Variants in PRIM1 observed in about 807,000 individuals in gnomAD.
PRIM1 encodes the protein DNA primase small subunit.
A neutral mutation model predicts 60.2 loss-of-function variants in PRIM1; 38 were observed. The ratio of observed to expected loss-of-function variants is 0.63; its 90% confidence interval spans 0.49 to 0.83. The LOEUF (loss-of-function observed/expected upper bound fraction) is 0.83, where lower values mean the gene tolerates loss of function less well. Among genes scored for constraint, PRIM1 ranks in the 40% least tolerant of loss-of-function variants. The pLI is 0.00. For missense variants in PRIM1, 388 were observed against 506.2 expected (o/e 0.77, Z 2.24); for synonymous variants, 158 against 160.2 (o/e 0.99, Z 0.10).
At chr12:56,739,635 G>C (rs1462948453) in intron 9 of PRIM1, among the ~76,000 whole-genome samples, 1 of 152,152 alleles carries the variant, frequency 6.6e-6, no homozygotes, top group Non-Finnish European at 1.5e-5. Flanking sequence ...CTGGGCTCAA[G>C]TGATCCTCCC....
At chr12:56,745,617 C>A (rs908411884) in intron 5 of PRIM1, among the ~76,000 whole-genome samples, 1 of 151,946 alleles carries the variant, frequency 6.6e-6, no homozygotes, top group Non-Finnish European at 1.5e-5. Context: ...TTGGTAAGAT[C>A]ATTTACTCTG....
chr12:56,736,342 A>T (rs948759510), intron 11 of PRIM1, among the ~76,000 whole-genome samples: 4 of 129,948 alleles, frequency 3.1e-5, no homozygotes, highest in Admixed American at 8.2e-5. Context: ...ATACAATTTT[A>T]TTCATCCATT....
rs1592338268 is a variant in PRIM1 at position 56,752,200 on chromosome 12, A to C, written c.99T>G (p.Gly33=). Residue 33 remains glycine (G), a synonymous_variant, in exon 1 of 13, where the codon GGT becomes GGG. Transcript: ENST00000338193. ...CCCATTCCTCGCCTCCATCACCTCC[A>C]CCGTAGTTGAGCCAGCGATAGTACT... ...YSQYYRWLNY[G]GVIKNYFQHR... 1 of 1,590,818 alleles carries C rather than the reference A, an allele frequency of 6.3e-7. No homozygotes were observed. Among genetic ancestry groups the C allele is most frequent in the Admixed American group, 1.7e-5 (1 of 57,440 alleles).
Position 56,750,974 on chromosome 12 carries a change from G to C in PRIM1, c.261+64C>G, listed in dbSNP as rs549408228. 1.0e-4 allele frequency: 114 copies of C among 1,127,024 alleles called. No individual in the cohort carries two copies. The South Asian group carries it at 3.0e-3, about 29-fold the overall frequency. 69.8% of individuals were successfully genotyped at this position (1,127,024 alleles called of 1,614,324 possible). A position where few individuals can be genotyped will look rare whatever the true frequency, so the allele number is the denominator to read the frequency against. On this transcript the variant is annotated intron_variant, in intron 2 of 12. Transcript: ENST00000338193. ...AAAAATTTAATCTCAAAACGCAAGA[G>C]GAATCAACCCATTCTTGGTTTACAA...
At chr12:56,734,357 G>T in intron 11 of PRIM1, 112 bp from the exon 12 acceptor site, 1 of 613,878 alleles carries the variant, frequency 1.6e-6, no homozygotes, top group East Asian at 2.8e-5. Flanking sequence ...TGAAATATGA[G>T]AGAAACATAC....
chr12:56,732,747 G>A (rs1183462970), intron 12 of PRIM1, among the ~76,000 whole-genome samples: 4 of 142,154 alleles, frequency 2.8e-5, no homozygotes, highest in Non-Finnish European at 6.1e-5. Flanking sequence ...CTTCAAGAAT[G>A]AACAACCCTT....
chr12:56,742,202 G>C (rs1035884526), intron 7 of PRIM1: 1 of 290,364 alleles, frequency 3.4e-6, no homozygotes, highest in Non-Finnish European at 6.7e-6. Context: ...GCAGTGAGCT[G>C]AGATTGTGCC....
chr12:56,734,495 G>A (rs570892154), intron 11 of PRIM1, among the ~76,000 whole-genome samples: 77 of 152,018 alleles, frequency 5.1e-4, no homozygotes, highest in African/African-American at 1.8e-3. Context: ...GATCTACTGG[G>A]CTCAAGGGAT....
At chr12:56,748,008 A>C (rs200694469) in intron 2 of PRIM1, among the ~76,000 whole-genome samples, 1 of 148,668 alleles carries the variant, frequency 6.7e-6, no homozygotes, top group African/African-American at 2.5e-5. Flanking sequence ...TGACTGAAGG[A>C]AAAAAAAAAG....
chr12:56,750,597 T>C (rs1360649539), intron 2 of PRIM1, among the ~76,000 whole-genome samples: 5 of 151,700 alleles, frequency 3.3e-5, no homozygotes, highest in Admixed American at 2.0e-4. Context: ...TCCCTCTTTT[T>C]TTTTTTTTTT....
chr12:56,732,712 C>T (rs1221754301), intron 12 of PRIM1, among the ~76,000 whole-genome samples: 1 of 151,990 alleles, frequency 6.6e-6, no homozygotes, highest in Non-Finnish European at 1.5e-5. Flanking sequence ...GGATGCTTTC[C>T]TGTCTGTCTT....
chr12:56,746,144 A>G lies in PRIM1; in HGVS notation c.480T>C (p.Ser160=). 6.2e-7 allele frequency: 1 copy of G among 1,613,448 alleles called. No homozygotes were observed. Among genetic ancestry groups the G allele is most frequent in the African/African-American group, 1.3e-5 (1 of 75,012 alleles). ...FGFKHRLWVY[S]GRRGVHCWVC... Reference sequence around the variant, plus strand: ...CCCAACAATGAACACCTCTCCTTCCAGAATATACCCAGAGACGATGCTTAA... The same window carrying G: ...CCCAACAATGAACACCTCTCCTTCCGGAATATACCCAGAGACGATGCTTAA... The change falls in exon 5 of 13, where the codon TCT becomes TCC. Residue 160 remains serine (S), a synonymous_variant. Coordinates refer to ENST00000338193, the MANE Select transcript of PRIM1 (RefSeq NM_000946.3).
Position 56,752,243 on chromosome 12 carries a change from C to A in PRIM1, c.56G>T (p.Arg19Met). ...ATAGTACTGAGAGTAGGGAAAGAGC[C>A]TCCGGTAATAAAGTTTAAGCAGCTC... ...LPELLKLYYR[R>M]LFPYSQYYRW... Residue 19 changes from arginine (R) to methionine (M), a missense_variant, in exon 1 of 13, where the codon AGG becomes ATG. By Grantham distance (91) the Arg-to-Met change is moderately conservative (BLOSUM62 -1). Around this residue, in one of 3 missense-constraint regions of PRIM1, gnomAD observed 156 missense variants for 175.8 expected, o/e 0.89. Transcript: ENST00000338193. 1 of 1,601,954 alleles carries A rather than the reference C, an allele frequency of 6.2e-7. No individual in the cohort carries two copies. The highest frequency in any genetic ancestry group is 1.3e-5 in the African/African-American group (1 of 74,388).
intron 12 of PRIM1, among the ~76,000 whole-genome samples, chr12:56,733,343 G>C (rs1196229986): frequency 6.6e-6 from 1 of 151,724 alleles, no homozygotes; most frequent in South Asian, 2.1e-4. Flanking sequence ...ATTTTTAGTA[G>C]AGATGGGGTT....
chr12:56,750,047 A>T (rs1353169673), intron 2 of PRIM1, among the ~76,000 whole-genome samples: 1 of 152,176 alleles, frequency 6.6e-6, no homozygotes, highest in Non-Finnish European at 1.5e-5. Flanking sequence ...TGAGGGGATG[A>T]ACCAAGTATA....
At chr12:56,746,689 T>C (rs563781643) in intron 4 of PRIM1, 92 bp downstream of exon 4, 3 of 1,070,400 alleles carry the variant, frequency 2.8e-6, no homozygotes, top group East Asian at 5.1e-5. Flanking sequence ...TTAATGAGAT[T>C]TGATCACAAA....
At chr12:56,738,257 C>T (rs1405416956) in intron 11 of PRIM1, among the ~76,000 whole-genome samples, 177 bp downstream of exon 11, 8 of 152,162 alleles carry the variant, frequency 5.3e-5, no homozygotes, top group Admixed American at 3.3e-4. Context: ...TTGAATCAGA[C>T]TGGATTCAAT....
intron 2 of PRIM1, among the ~76,000 whole-genome samples, chr12:56,749,364 A>G (rs774904925): frequency 6.6e-6 from 1 of 152,206 alleles, no homozygotes; most frequent in African/African-American, 2.4e-5. Context: ...AACCATGTGC[A>G]TACATAACTG....
chr12:56,748,987 G>C (rs748089509), intron 2 of PRIM1, among the ~76,000 whole-genome samples: 5 of 151,320 alleles, frequency 3.3e-5, no homozygotes, highest in Admixed American at 6.6e-5. Context: ...GTTGCTTCTG[G>C]GTAGCAAAAA....
Sources: gnomAD v4.1 joint callset for allele counts (sites outside exome capture counted in the v4.1 genomes callset) on GRCh38, gnomAD v4.1.1 for gene constraint, gnomAD v4.1.1 regional missense constraint, MANE v1.5 for transcripts, NCBI Gene and HGNC (gene_info 2026-07-23, HGNC 2026-07-21) for gene names.